Variants in PGCKA1 observed in about 807,000 individuals in gnomAD.
The protein encoded by PGCKA1 is PDCD10 and GCKIII kinases associated 1, also known as PDCD10 and GCKIII kinases-associated protein 1.
At chr4:37,590,199 A>C in the PGCKA1 span, 1 of 1,614,252 alleles carries the variant, frequency 6.2e-7, no homozygotes, top group South Asian at 1.1e-5. Flanking sequence ...GGAGCAGTGA[A>C]GTCTTGGTGC....
chr4:37,464,798 T>TAC, the PGCKA1 span, among the ~76,000 whole-genome samples: 1 of 152,342 alleles, frequency 6.6e-6, no homozygotes, highest in South Asian at 2.1e-4. Flanking sequence ...TTTCTAAATA[T>TAC]ACCCCAAGCA....
At chr4:37,571,811 T>C in the PGCKA1 span, among the ~76,000 whole-genome samples, 1 of 151,970 alleles carries the variant, frequency 6.6e-6, no homozygotes. Flanking sequence ...TTTGTATTTT[T>C]AGTAGAAACA....
the PGCKA1 span, among the ~76,000 whole-genome samples, chr4:37,464,215 G>A: frequency 1.3e-5 from 2 of 152,186 alleles, no homozygotes; most frequent in East Asian, 3.8e-4. Context: ...TCTTGTGTAA[G>A]TCTCAAAAGA....
the PGCKA1 span, among the ~76,000 whole-genome samples, chr4:37,573,073 C>A: frequency 6.6e-6 from 1 of 152,294 alleles, no homozygotes; most frequent in South Asian, 2.1e-4. Flanking sequence ...TATTTTGCTG[C>A]ATTTCAAAGT....
the PGCKA1 span, among the ~76,000 whole-genome samples, chr4:37,593,381 A>C: frequency 0.027 from 4,135 of 152,304 alleles, 220 homozygotes; most frequent in South Asian, 0.13. Flanking sequence ...CCGCATATGA[A>C]TGACCCATGC....
the PGCKA1 span, among the ~76,000 whole-genome samples, chr4:37,547,704 A>C: frequency 1.6e-3 from 239 of 152,134 alleles, no homozygotes; most frequent in Non-Finnish European, 2.4e-3. Context: ...CCCCTTCCCC[A>C]CCCAACAGTA....
chr4:37,497,732 G>T, the PGCKA1 span, among the ~76,000 whole-genome samples: 1 of 151,914 alleles, frequency 6.6e-6, no homozygotes, highest in African/African-American at 2.4e-5. Context: ...GGGATTGTTT[G>T]TTTTTTTCTT....
chr4:37,583,188 T>C, the PGCKA1 span, among the ~76,000 whole-genome samples: 2 of 152,250 alleles, frequency 1.3e-5, no homozygotes, highest in Admixed American at 6.5e-5. Context: ...CCTTTTAAAA[T>C]GTCCCTGTCA....
chr4:37,579,417 G>T, the PGCKA1 span, among the ~76,000 whole-genome samples: 5 of 152,248 alleles, frequency 3.3e-5, no homozygotes, highest in South Asian at 1.0e-3. Context: ...CTTTCTGATT[G>T]AAGTACTCCC....
chr4:37,539,903 A>G, the PGCKA1 span, among the ~76,000 whole-genome samples: 1 of 152,254 alleles, frequency 6.6e-6, no homozygotes, highest in Non-Finnish European at 1.5e-5. Flanking sequence ...GGTATTTAGC[A>G]TATGCAACAG....
At chr4:37,501,655 G>A in the PGCKA1 span, among the ~76,000 whole-genome samples, 1 of 152,136 alleles carries the variant, frequency 6.6e-6, no homozygotes, top group Admixed American at 6.5e-5. Context: ...CAGGACTGGT[G>A]GTAACAAATT....
At chr4:37,509,690 C>G in the PGCKA1 span, among the ~76,000 whole-genome samples, 24 of 151,314 alleles carry the variant, frequency 1.6e-4, no homozygotes, top group Non-Finnish European at 3.0e-4. Context: ...ACTGAGTGAA[C>G]GAGACTCCAT....
the PGCKA1 span, among the ~76,000 whole-genome samples, chr4:37,467,460 C>G: frequency 6.6e-6 from 1 of 152,204 alleles, no homozygotes; most frequent in South Asian, 2.1e-4. Flanking sequence ...ATAGAATCTT[C>G]TGATCCTCTG....
chr4:37,490,277 G>A, the PGCKA1 span, among the ~76,000 whole-genome samples: 7 of 152,108 alleles, frequency 4.6e-5, no homozygotes, highest in African/African-American at 7.2e-5. Flanking sequence ...ACACAAAGTC[G>A]TAAAGTTAGT....
At chr4:37,494,201 G>C in the PGCKA1 span, among the ~76,000 whole-genome samples, 5 of 152,062 alleles carry the variant, frequency 3.3e-5, no homozygotes, top group Non-Finnish European at 7.4e-5. Context: ...TGGTGTCATG[G>C]GGGTTTGTTG....
chr4:37,564,274 C>CA, the PGCKA1 span, among the ~76,000 whole-genome samples: 522 of 44,638 alleles, frequency 0.012, 5 homozygotes, highest in African/African-American at 0.026. Flanking sequence ...GACTCTGTCT[C>CA]AAAAAAAAAA....
chr4:37,515,001 C>T, the PGCKA1 span, among the ~76,000 whole-genome samples: 4 of 152,174 alleles, frequency 2.6e-5, no homozygotes, highest in African/African-American at 9.7e-5. Flanking sequence ...CTTCGTGTCA[C>T]TTTTGCCATT....
the PGCKA1 span, among the ~76,000 whole-genome samples, chr4:37,554,168 A>C: frequency 6.6e-6 from 1 of 151,518 alleles, no homozygotes; most frequent in East Asian, 1.9e-4. Context: ...TTGCCTCCTG[A>C]CATGTAAGAT....
At chr4:37,590,163 C>A in the PGCKA1 span, 1 of 1,614,086 alleles carries the variant, frequency 6.2e-7, no homozygotes. Flanking sequence ...TAGATGAAGA[C>A]GACACTGATA....
Sources: allele counts gnomAD v4.1 joint callset (sites outside exome capture counted in the v4.1 genomes callset), GRCh38; gene constraint gnomAD v4.1.1; transcripts MANE v1.5; gene names NCBI Gene and HGNC (gene_info 2026-07-23, HGNC 2026-07-21).